AGBL2: variants seen among roughly 807,000 people sequenced by gnomAD.
The protein encoded by AGBL2 is AGBL carboxypeptidase 2.
Under a neutral mutation model 103.0 loss-of-function variants are expected in AGBL2, and 87 were observed. The ratio of observed to expected loss-of-function variants is 0.84; its 90% CI spans 0.71 to 1.01. The LOEUF (loss-of-function observed/expected upper bound fraction) is 1.01, where lower values mean the gene tolerates loss of function less well. Ranked by LOEUF, AGBL2 falls within the 50% of genes least tolerant of loss-of-function variation. The probability of loss-of-function intolerance (pLI) is 0.00; values close to 1 mark genes in which losing one functional copy is unlikely to be tolerated. For missense variants in AGBL2, 904 were observed against 1,023.5 expected (o/e 0.88, Z 1.59); for synonymous variants, 335 against 356.7 (o/e 0.94, Z 0.69).
intron 8 of AGBL2, among the ~76,000 whole-genome samples, chr11:47,697,302 A>G (rs191521378): frequency 8.6e-4 from 131 of 152,098 alleles, no homozygotes; most frequent in African/African-American, 3.0e-3. Context: ...CAGTGGCACA[A>G]TCTTGGCTCA....
rs146442822 is a variant in AGBL2 at position 47,706,245 on chromosome 11, G to A, written c.233-328C>T. On this transcript the variant is annotated intron_variant, in intron 4 of 18. Transcript: ENST00000525123. ...AAGACCAGCCTGGCCGGCTGGGCGC[G>A]GTGGCTCATGCCTGTAATCCCAGCA... Among the ~76,000 whole-genome samples, 987 of 152,152 alleles carry A rather than the reference G, an allele frequency of 6.5e-3. 7 individuals are homozygous for A. Among genetic ancestry groups the A allele is most frequent in the African/African-American group, 0.023 (937 of 41,510 alleles).
chr11:47,674,916 T>C (rs1201992323), intron 14 of AGBL2, among the ~76,000 whole-genome samples: 1 of 151,948 alleles, frequency 6.6e-6, no homozygotes, highest in East Asian at 1.9e-4. Flanking sequence ...GTATTTTTAG[T>C]AGAGATGAGG....
chr11:47,672,967 G>T (rs1449098467), intron 14 of AGBL2, among the ~76,000 whole-genome samples: 1 of 152,124 alleles, frequency 6.6e-6, no homozygotes, highest in Non-Finnish European at 1.5e-5. Context: ...AGGTATTCTT[G>T]CATACCTGGG....
chr11:47,673,811 A>G (rs1232968798), intron 14 of AGBL2, among the ~76,000 whole-genome samples: 1 of 147,466 alleles, frequency 6.8e-6, no homozygotes, highest in East Asian at 2.0e-4. Context: ...AAAAAAAAAA[A>G]AAAATTGGCC....
chr11:47,707,169 C>G (rs2097523638), intron 4 of AGBL2, among the ~76,000 whole-genome samples: 1 of 152,036 alleles, frequency 6.6e-6, no homozygotes. Context: ...TTTCTACTCC[C>G]TGCCAGGAGC....
intron 14 of AGBL2, among the ~76,000 whole-genome samples, chr11:47,671,623 C>A (rs1027967465): frequency 1.3e-5 from 2 of 152,130 alleles, no homozygotes; most frequent in African/African-American, 4.8e-5. Flanking sequence ...TTCAGCTGCC[C>A]AGGCCTTCAT....
At chr11:47,670,307 C>T (rs1439325695) in intron 14 of AGBL2, among the ~76,000 whole-genome samples, 2 of 152,110 alleles carry the variant, frequency 1.3e-5, no homozygotes, top group Admixed American at 1.3e-4. Context: ...CAGTACGTCG[C>T]TGTATCTACA....
chr11:47,680,179 G>A (rs1298686663), intron 12 of AGBL2, 106 bp from the exon 13 acceptor site: 3 of 735,800 alleles, frequency 4.1e-6, no homozygotes, highest in Non-Finnish European at 6.4e-6. Flanking sequence ...TGGCCAGGCG[G>A]GGTGGTTTAC....
rs751828102 is a variant in AGBL2, at chr11:47,662,941, G to A, written c.2535+85C>T. ...AGGTAAAACTGGACTGTGCATCACC[G>A]CCCTCCAAATCACATAATACATTTG... is the stretch of plus-strand genomic sequence containing the variant. On this transcript the variant is annotated intron_variant, in intron 18 of 18. Transcript: ENST00000525123. The A allele has an allele frequency of 3.0e-5, 34 of 1,137,490 alleles. 1 individual carries two copies. The highest frequency in any genetic ancestry group is 4.1e-4 in the Middle Eastern group (2 of 4,828). The allele number at this position is 1,137,490 out of a possible 1,614,324, so 70.5% of individuals were successfully genotyped here. A position where few individuals can be genotyped will look rare whatever the true frequency, so the allele number is the denominator to read the frequency against.
chr11:47,689,014 G>A (rs1321136089), intron 10 of AGBL2, among the ~76,000 whole-genome samples: 2 of 151,748 alleles, frequency 1.3e-5, no homozygotes, highest in Admixed American at 6.6e-5. Context: ...GGGATTACAG[G>A]TGTCAGCCAC....
chr11:47,703,609 G>A (rs1392673761), intron 7 of AGBL2, among the ~76,000 whole-genome samples: 1 of 151,766 alleles, frequency 6.6e-6, no homozygotes, highest in Non-Finnish European at 1.5e-5. Context: ...TGGCCAACAT[G>A]GAGGAACGCT....
Position 47,671,529 on chromosome 11 carries a change from A to AAAACAAAC in AGBL2, c.2148-2630_2148-2623dup, listed in dbSNP as rs58799566. Among the ~76,000 whole-genome samples, 99 of 150,850 alleles carry AAAACAAAC rather than the reference A, an allele frequency of 6.6e-4. 1 individual carries two copies. The highest frequency in any genetic ancestry group is 1.9e-3 in the South Asian group (9 of 4,786). The stretch of plus-strand genomic sequence containing the variant: ...GGTGACAGAGTGAGACTCCATCTCA[A>AAAACAAAC]AAACAAACAAACAAACAAACAAACA... On this transcript the variant is annotated intron_variant, in intron 14 of 18. Transcript: ENST00000525123.
At chr11:47,697,540 CTTTTTTT>C in intron 8 of AGBL2, among the ~76,000 whole-genome samples, 1 of 50,406 alleles carries the variant, frequency 2.0e-5, no homozygotes, top group East Asian at 5.5e-4. Flanking sequence ...GCCAAGCCTA[CTTTTTTT>C]TTTTTTTTTT....
Position 47,692,137 on chromosome 11 carries a change from A to G in AGBL2, c.814T>C (p.Phe272Leu). Residue 272 changes from phenylalanine to leucine, a missense_variant, in exon 9 of 19, where the codon TTT becomes CTT. Phe to Leu is a conservative substitution (Grantham distance 22, BLOSUM62 0). Transcript: ENST00000525123. ...EDNTLLFESR[F>L]ESGNLQKAVR... ...GCTTTTTGCAGATTCCCACTCTCAA[A>G]CCTTGATTCAAACAGTAGAGTATTA... 6.2e-7 allele frequency: 1 copy of G among 1,612,646 alleles called. No homozygotes were observed. The highest frequency in any genetic ancestry group is 8.5e-7 in the Non-Finnish European group (1 of 1,179,114).
intron 7 of AGBL2, among the ~76,000 whole-genome samples, chr11:47,701,973 CAAA>C (rs11319513): frequency 3.1e-3 from 333 of 107,568 alleles, no homozygotes; most frequent in Middle Eastern, 0.017. Flanking sequence ...ACTCTGTTCT[CAAA>C]AAAAAAAAAA....
intron 8 of AGBL2, among the ~76,000 whole-genome samples, chr11:47,692,932 C>T (rs1312263891): frequency 1.3e-5 from 2 of 151,976 alleles, no homozygotes; most frequent in Admixed American, 1.3e-4. Context: ...GATCCTCCCA[C>T]CTCAACTTCC....
At chr11:47,687,660 C>T (rs10769285) in intron 10 of AGBL2, among the ~76,000 whole-genome samples, 53,266 of 151,770 alleles carry the variant, frequency 0.35, 10,567 homozygotes, top group South Asian at 0.52. Flanking sequence ...CATGATTGTA[C>T]GCTTCCTGAG....
chr11:47,695,475 CAAA>C (rs56047450), intron 8 of AGBL2, among the ~76,000 whole-genome samples: 1 of 76,190 alleles, frequency 1.3e-5, no homozygotes, highest in African/African-American at 5.4e-5. Flanking sequence ...AACTCTGTCT[CAAA>C]AAAAAAAAAA....
rs906646417 is a variant in AGBL2, at chr11:47,704,648, G to A, written c.481C>T (p.Arg161Ter). 1.2e-6 allele frequency: 2 copies of A among 1,613,894 alleles called. No homozygotes were observed. The highest frequency in any genetic ancestry group is 2.7e-5 in the African/African-American group (2 of 74,894). Reference sequence around the variant, plus strand: ...ATGGAAAAGAGCTCTTGGGGTTCTCGAAGACGTGGGTTTACTTCATCCAAC... The same window carrying A: ...ATGGAAAAGAGCTCTTGGGGTTCTCAAAGACGTGGGTTTACTTCATCCAAC... ...DELDEVNPRLREPQELFSILS... is the reference protein window; with the variant it reads ...DELDEVNPRL The change falls in exon 7 of 19, where the codon CGA becomes TGA. Residue 161 changes from arginine (R) to a stop codon, truncating the protein, a stop_gained. Coordinates refer to ENST00000525123, the MANE Select transcript of AGBL2 (RefSeq NM_024783.4). LOFTEE classifies it high-confidence loss of function.
Sources: gnomAD v4.1 joint callset for allele counts (sites outside exome capture counted in the v4.1 genomes callset) on GRCh38, gnomAD v4.1.1 for gene constraint, MANE v1.5 for transcripts, NCBI Gene and HGNC (gene_info 2026-07-23, HGNC 2026-07-21) for gene names.